NCAM1: variants seen among roughly 807,000 people sequenced by gnomAD.
NCAM1 encodes neural cell adhesion molecule 1, also known as antigen recognized by monoclonal antibody 5.1H11.
In NCAM1, 14 loss-of-function variants were observed where a neutral mutation model predicts 109.8. That is an observed-to-expected ratio of 0.13 (90% CI 0.08 to 0.20). NCAM1 has a LOEUF of 0.20. NCAM1 is among the 10% of genes least tolerant of loss of function. The pLI is 1.00. For synonymous variants in NCAM1, 418 were observed against 442.9 expected (o/e 0.94, Z 0.70); for missense variants, 774 against 1,109.9 (o/e 0.70, Z 4.30).
At chr11:113,194,137 C>G (rs1943781461) in intron 1 of NCAM1, among the ~76,000 whole-genome samples, 1 of 152,148 alleles carries the variant, frequency 6.6e-6, no homozygotes, top group South Asian at 2.1e-4. Flanking sequence ...AATAGAGCCT[C>G]CTGCTTCTGG....
intron 1 of NCAM1, among the ~76,000 whole-genome samples, chr11:113,125,472 C>G (rs909378321): frequency 1.1e-4 from 17 of 152,046 alleles, no homozygotes. Context: ...CATTTATCGC[C>G]CTTACGTTTT....
chr11:113,239,104 T>C (rs1462200179), intron 14 of NCAM1, among the ~76,000 whole-genome samples: 1 of 152,230 alleles, frequency 6.6e-6, no homozygotes, highest in Admixed American at 6.5e-5. Flanking sequence ...AATGGACTCT[T>C]GTTTTCAAGC....
intron 1 of NCAM1, among the ~76,000 whole-genome samples, chr11:113,126,453 G>C (rs1941182110): frequency 6.6e-6 from 1 of 152,000 alleles, no homozygotes; most frequent in African/African-American, 2.4e-5. Flanking sequence ...TCCATCCCAG[G>C]GTGGGCCTAC....
rs1336984958 is a variant in NCAM1 at position 113,220,600 on chromosome 11, C to CTTTTT, written c.1060-695_1060-694insTTTTT. Among the ~76,000 whole-genome samples the CTTTTT allele has an allele frequency of 4.2e-4, 43 of 102,364 alleles. 2 individuals carry two copies. Among genetic ancestry groups the CTTTTT allele is most frequent in the Non-Finnish European group, 6.9e-4 (38 of 55,216 alleles). 67.2% of individuals were successfully genotyped at this position (102,364 alleles called of 152,430 possible). On this transcript the variant is annotated intron_variant, in intron 8 of 19. Coordinates refer to ENST00000316851, the MANE Select transcript of NCAM1 (RefSeq NM_181351.5). ...GGAGACCTATTCTCTCTCTCTCTCT[C>CTTTTT]TCTTTTTTTTTTTTTTTTTTTTTTT...
At position 113,277,904 on chromosome 11, in the gene NCAM1, G is replaced by C. The variant is rs922041596; in HGVS notation, c.*2517G>C. 1 of 140,986 alleles carries C rather than the reference G, an allele frequency of 7.1e-6. No individual in the cohort carries two copies. Among genetic ancestry groups the C allele is most frequent in the African/African-American group, 2.7e-5 (1 of 36,884 alleles). The allele number at this position is 140,986 out of a possible 1,614,324, so 8.7% of individuals were successfully genotyped here. Reference sequence around the variant, plus strand: ...AATGCTTTCTCTAAAATCAAAGAGGGAGTCATTTTATTCCAAGATGTTTTA... The same window carrying C: ...AATGCTTTCTCTAAAATCAAAGAGGCAGTCATTTTATTCCAAGATGTTTTA... On this transcript the variant is annotated 3_prime_UTR_variant, in exon 20 of 20. Transcript: ENST00000316851.
chr11:113,208,791 A>G (rs1944313749), intron 7 of NCAM1, among the ~76,000 whole-genome samples: 3 of 152,178 alleles, frequency 2.0e-5, no homozygotes, highest in African/African-American at 7.2e-5. Context: ...GTAAACTTCA[A>G]GATAGCATAA....
At chr11:113,058,867 T>C (rs1565411193) in intron 1 of NCAM1, among the ~76,000 whole-genome samples, 2 of 152,206 alleles carry the variant, frequency 1.3e-5, no homozygotes, top group Non-Finnish European at 2.9e-5. Context: ...CACTTTCATC[T>C]GGGGGAAGCC....
chr11:113,090,348 G>C (rs1230383461), intron 1 of NCAM1, among the ~76,000 whole-genome samples: 1 of 152,196 alleles, frequency 6.6e-6, no homozygotes, highest in Non-Finnish European at 1.5e-5. Context: ...TAAGGGAGAA[G>C]TTTTGCATCA....
rs1555120234 is a variant in NCAM1, at chr11:113,246,381, T to C, written c.1828+11T>C. On this transcript the variant is annotated intron_variant, in intron 15 of 19. Coordinates refer to ENST00000316851, the MANE Select transcript of NCAM1 (RefSeq NM_181351.5). ...GCTGGTGAACAGAAGGTAAAACTCT[T>C]TGTTCTGATTAGTGAAATAAATCTG... 1 of 740,104 alleles carries C rather than the reference T, an allele frequency of 1.4e-6. No homozygotes were observed. The highest frequency in any genetic ancestry group is 2.5e-5 in the East Asian group (1 of 40,484). The allele number at this position is 740,104 out of a possible 1,614,324, so 45.8% of individuals were successfully genotyped here. A position where few individuals can be genotyped will look rare whatever the true frequency, so the allele number is the denominator to read the frequency against.
chr11:112,964,587 T>C (rs1171617812), intron 1 of NCAM1, among the ~76,000 whole-genome samples: 1 of 152,214 alleles, frequency 6.6e-6, no homozygotes, highest in Non-Finnish European at 1.5e-5. Context: ...ATAATATCTC[T>C]CACTAAGCAA....
At chr11:112,969,326 CTT>C (rs1950814379) in intron 1 of NCAM1, among the ~76,000 whole-genome samples, 1 of 152,148 alleles carries the variant, frequency 6.6e-6, no homozygotes, top group South Asian at 2.1e-4. Context: ...GGTTAAATGA[CTT>C]AGGCAGGTGG....
At chr11:113,050,934 G>A (rs187573553) in intron 1 of NCAM1, among the ~76,000 whole-genome samples, 43 of 152,014 alleles carry the variant, frequency 2.8e-4, no homozygotes, top group South Asian at 1.9e-3. Context: ...CATCTTATAC[G>A]CATGCTGTAG....
At chr11:113,207,528 T>C (rs1944273482) in intron 6 of NCAM1, 150 bp downstream of exon 6, 3 of 718,064 alleles carry the variant, frequency 4.2e-6, no homozygotes, top group Non-Finnish European at 6.8e-6. Context: ...TATAAGATTC[T>C]CTTGCTTGTG....
chr11:113,260,333 C>T lies in NCAM1; in HGVS notation c.2131+10C>T, dbSNP rs1320363797. On this transcript the variant is annotated intron_variant, in intron 17 of 19. Transcript: ENST00000316851. ...CCCACAGCCATCCCAGGTATGGCTG[C>T]CTCTGCTTTCTGTTTGTTTCCGCTT... 1.9e-6 allele frequency: 3 copies of T among 1,607,484 alleles called. No individual in the cohort carries two copies. The highest frequency in any genetic ancestry group is 2.5e-6 in the Non-Finnish European group (3 of 1,177,568).
chr11:113,050,083 C>A (rs1953414421), intron 1 of NCAM1, among the ~76,000 whole-genome samples: 1 of 131,842 alleles, frequency 7.6e-6, no homozygotes, highest in Non-Finnish European at 1.5e-5. Flanking sequence ...TTTTCTATTC[C>A]ATTTTTTGCT....
intron 18 of NCAM1, among the ~76,000 whole-genome samples, chr11:113,270,754 ATTGT>A (rs1229578955): frequency 1.3e-5 from 2 of 152,116 alleles, no homozygotes; most frequent in Non-Finnish European, 2.9e-5. Context: ...GCTTTCGTAC[ATTGT>A]TTATTCATTC....
intron 1 of NCAM1, among the ~76,000 whole-genome samples, chr11:113,149,054 A>G (rs1287334883): frequency 4.6e-5 from 7 of 152,218 alleles, no homozygotes; most frequent in African/African-American, 1.7e-4. Flanking sequence ...AGACCAGACC[A>G]ACTAGTCGGG....
chr11:113,205,076 A>G (rs546718605), intron 3 of NCAM1, among the ~76,000 whole-genome samples: 1 of 152,290 alleles, frequency 6.6e-6, no homozygotes, highest in Non-Finnish European at 1.5e-5. Context: ...TGTTCTTTTC[A>G]TCAGCATTCT....
chr11:113,065,603 G>T (rs1223032474), intron 1 of NCAM1, among the ~76,000 whole-genome samples: 4 of 152,152 alleles, frequency 2.6e-5, no homozygotes, highest in Admixed American at 2.0e-4. Flanking sequence ...CTAATTGTGA[G>T]AAAGACACCA....
Sources: gnomAD v4.1 joint callset for allele counts (sites outside exome capture counted in the v4.1 genomes callset) on GRCh38, gnomAD v4.1.1 for gene constraint, MANE v1.5 for transcripts, NCBI Gene and HGNC (gene_info 2026-07-23, HGNC 2026-07-21) for gene names.